Variants in KCNIP1 observed in about 807,000 individuals in gnomAD.
KCNIP1 encodes potassium voltage-gated channel interacting protein 1.
KCNIP1 carries 18 observed loss-of-function variants against 33.0 expected under a neutral mutation model. The observed-to-expected ratio is 0.55, with a 90% CI of 0.38 to 0.81. KCNIP1 has a LOEUF of 0.81. Ranked by LOEUF, KCNIP1 falls within the 30% of genes least tolerant of loss-of-function variation. KCNIP1 has a pLI of 0.00. For synonymous variants in KCNIP1, 93 were observed against 98.3 expected (o/e 0.95, Z 0.32); for missense variants, 238 against 271.6 (o/e 0.88, Z 0.87).
chr5:170,518,502 A>C (rs1402436859), intron 1 of KCNIP1, among the ~76,000 whole-genome samples: 1 of 152,208 alleles, frequency 6.6e-6, no homozygotes, highest in Non-Finnish European at 1.5e-5. Context: ...AGTCTTCAAT[A>C]AATATTTGTG....
intron 1 of KCNIP1, among the ~76,000 whole-genome samples, chr5:170,550,672 A>G (rs1373575661): frequency 6.6e-6 from 1 of 151,774 alleles, no homozygotes; most frequent in Non-Finnish European, 1.5e-5. Flanking sequence ...GACAATGACA[A>G]TACTGGTGAT....
At chr5:170,475,124 A>G (rs1370610795) in intron 1 of KCNIP1, among the ~76,000 whole-genome samples, 1 of 152,106 alleles carries the variant, frequency 6.6e-6, no homozygotes, top group Non-Finnish European at 1.5e-5. Flanking sequence ...ACTGATTGGT[A>G]CATTTCACAA....
intron 1 of KCNIP1, among the ~76,000 whole-genome samples, chr5:170,432,161 G>A (rs28416826): frequency 0.44 from 66,031 of 151,710 alleles, 14,616 homozygotes; most frequent in African/African-American, 0.51. Context: ...AAAACAATTC[G>A]GTAGAGCTAA....
In KCNIP1 at chr5:170,439,265, G is replaced by A. The variant is rs73800677; in HGVS notation, c.88+85301G>A. Among the ~76,000 whole-genome samples the A allele has an allele frequency of 8.3e-3, 1,266 of 152,248 alleles. 17 individuals are homozygous for A. The highest frequency in any genetic ancestry group is 0.029 in the African/African-American group (1,213 of 41,538). ...CTTCAGCTTTCACCTCCCATCCCCC[G>A]TTCCCTGACCCCATGCCACCAGATG... On this transcript the variant is annotated intron_variant, in intron 1 of 7. Coordinates refer to the KCNIP1 transcript ENST00000377360.
chr5:170,437,979 G>C (rs974861561), intron 1 of KCNIP1, among the ~76,000 whole-genome samples: 3 of 152,108 alleles, frequency 2.0e-5, no homozygotes, highest in African/African-American at 7.2e-5. Context: ...TCCTAGCCTT[G>C]GTCCCTCCAC....
At chr5:170,497,751 C>T (rs190580861) in intron 1 of KCNIP1, among the ~76,000 whole-genome samples, 59 of 152,346 alleles carry the variant, frequency 3.9e-4, no homozygotes, top group African/African-American at 1.4e-3. Context: ...TTCCCCCTCT[C>T]CCTGACTACC....
chr5:170,601,002 G>A (rs757006635), intron 1 of KCNIP1, among the ~76,000 whole-genome samples: 29 of 152,216 alleles, frequency 1.9e-4, no homozygotes, highest in Non-Finnish European at 4.0e-4. Flanking sequence ...CTTACCAGCT[G>A]TGTGACCTTG....
chr5:170,551,048 A>C (rs1756608875), intron 1 of KCNIP1, among the ~76,000 whole-genome samples: 1 of 152,120 alleles, frequency 6.6e-6, no homozygotes, highest in Non-Finnish European at 1.5e-5. Context: ...AAGCTTCCTA[A>C]AGTTTAAGTC....
rs529811169 is a variant in KCNIP1 at position 170,569,252 on chromosome 5, G to A, written c.61+64619G>A. On this transcript the variant is annotated intron_variant, in intron 1 of 7. Coordinates refer to ENST00000328939, the MANE Select transcript of KCNIP1 (RefSeq NM_014592.4). ...TTTGCAAGCTTCTTCAAAGGAGCCC[G>A]TTCTGACCCAGGTCGATGGAGCTCC... Among the ~76,000 whole-genome samples the A allele has an allele frequency of 1.2e-4, 18 of 152,346 alleles. No individual in the cohort carries two copies. The South Asian group carries it at 3.5e-3, about 30-fold the overall frequency.
intron 1 of KCNIP1, among the ~76,000 whole-genome samples, chr5:170,416,349 A>G (rs1755329549): frequency 6.6e-6 from 1 of 152,202 alleles, no homozygotes. Context: ...TCAATCAGAA[A>G]CCACAAATTC....
intron 1 of KCNIP1, among the ~76,000 whole-genome samples, chr5:170,442,077 A>G (rs1756006562): frequency 1.3e-5 from 2 of 152,052 alleles, no homozygotes; most frequent in South Asian, 4.1e-4. Flanking sequence ...GATTGTTCTC[A>G]AGCTTTTGTC....
chr5:170,457,747 A>G (rs115159528), intron 1 of KCNIP1, among the ~76,000 whole-genome samples: 13 of 152,334 alleles, frequency 8.5e-5, no homozygotes, highest in Admixed American at 1.3e-4. Flanking sequence ...ATGAGGAGGA[A>G]CCAGAAACCC....
intron 1 of KCNIP1, among the ~76,000 whole-genome samples, chr5:170,358,157 A>C (rs1763398180): frequency 6.6e-6 from 1 of 152,152 alleles, no homozygotes; most frequent in Non-Finnish European, 1.5e-5. Flanking sequence ...CTCCTTCTGC[A>C]CTGGGAACAA....
chr5:170,493,146 T>C (rs961900252), intron 1 of KCNIP1, among the ~76,000 whole-genome samples: 1 of 152,176 alleles, frequency 6.6e-6, no homozygotes, highest in Admixed American at 6.5e-5. Flanking sequence ...TTGGTTTCTG[T>C]GGTAGAAAGT....
intron 1 of KCNIP1, among the ~76,000 whole-genome samples, chr5:170,512,179 T>A (rs1437395582): frequency 6.6e-6 from 1 of 152,246 alleles, no homozygotes; most frequent in African/African-American, 2.4e-5. Context: ...TCTCTCTTTG[T>A]TATAGCCATC....
intron 1 of KCNIP1, among the ~76,000 whole-genome samples, chr5:170,674,966 T>G (rs529715667): frequency 8.1e-6 from 1 of 123,518 alleles, no homozygotes; most frequent in African/African-American, 3.5e-5. Flanking sequence ...GCACAGAGGG[T>G]TTTGTTTTGT....
intron 5 of KCNIP1, among the ~76,000 whole-genome samples, chr5:170,724,489 A>G (rs1309500057): frequency 6.6e-6 from 1 of 152,252 alleles, no homozygotes. Flanking sequence ...AAAACCAATC[A>G]ATATAATTCA....
chr5:170,498,820 C>A (rs895812012), intron 1 of KCNIP1, among the ~76,000 whole-genome samples: 4 of 152,194 alleles, frequency 2.6e-5, no homozygotes, highest in African/African-American at 9.7e-5. Context: ...TCACAACAAT[C>A]CCCTGACATG....
intron 1 of KCNIP1, among the ~76,000 whole-genome samples, chr5:170,564,014 C>T (rs1009091906): frequency 5.9e-5 from 9 of 152,262 alleles, no homozygotes; most frequent in East Asian, 1.9e-4. Flanking sequence ...CTTTTATAAA[C>T]ACACAGAGTC....
Sources: allele counts gnomAD v4.1 joint callset (sites outside exome capture counted in the v4.1 genomes callset), GRCh38; gene constraint gnomAD v4.1.1; transcripts MANE v1.5; gene names NCBI Gene and HGNC (gene_info 2026-07-23, HGNC 2026-07-21).